ANKS1B: variants seen among roughly 807,000 people sequenced by gnomAD.
ANKS1B encodes ankyrin repeat and sterile alpha motif domain containing 1B.
In ANKS1B, 36 loss-of-function variants were observed where a neutral mutation model predicts 148.3. That is an observed-to-expected ratio of 0.24 (90% confidence interval 0.19 to 0.32). ANKS1B has a LOEUF of 0.32. ANKS1B is among the 10% of genes least tolerant of loss of function. The probability of loss-of-function intolerance (pLI) is 1.00; values close to 1 mark genes in which losing one functional copy is unlikely to be tolerated. For synonymous variants in ANKS1B, 542 were observed against 560.8 expected, an observed-to-expected ratio of 0.97 and a Z score of 0.47; for missense variants, 1,157 against 1,542.6, an observed-to-expected ratio of 0.75 and a Z score of 4.19.
At chr12:99,011,627 C>T (rs1347919036) in intron 17 of ANKS1B, among the ~76,000 whole-genome samples, 2 of 152,192 alleles carry the variant, frequency 1.3e-5, no homozygotes, top group Non-Finnish European at 2.9e-5. Flanking sequence ...CGTGCTCGCA[C>T]ATATGGGTAT....
At chr12:99,618,737 A>G (rs2098006316) in intron 9 of ANKS1B, among the ~76,000 whole-genome samples, 1 of 152,016 alleles carries the variant, frequency 6.6e-6, no homozygotes, top group African/African-American at 2.4e-5. Context: ...GACACCAGGA[A>G]ATACTGCAGA....
intron 12 of ANKS1B, among the ~76,000 whole-genome samples, chr12:99,319,315 G>A (rs1187650006): frequency 6.6e-6 from 1 of 152,130 alleles, no homozygotes; most frequent in East Asian, 1.9e-4. Flanking sequence ...AAGTCTCTTT[G>A]TAGGTCTCTA....
intron 10 of ANKS1B, among the ~76,000 whole-genome samples, chr12:99,459,548 G>A (rs1299148643): frequency 1.3e-5 from 2 of 151,830 alleles, no homozygotes; most frequent in East Asian, 3.9e-4. Context: ...ACTGGTAAAT[G>A]AATTCAGCAA....
chr12:99,036,729 G>A (rs1294455971), intron 17 of ANKS1B, among the ~76,000 whole-genome samples: 4 of 152,210 alleles, frequency 2.6e-5, no homozygotes, highest in African/African-American at 9.7e-5. Flanking sequence ...CAGTAACCAT[G>A]TGCATTGTGG....
chr12:99,405,110 A>C (rs887385825), intron 11 of ANKS1B, among the ~76,000 whole-genome samples: 1 of 146,040 alleles, frequency 6.8e-6, no homozygotes, highest in Non-Finnish European at 1.5e-5. Flanking sequence ...ACAAAAGTTG[A>C]GAAATTTCTT....
intron 22 of ANKS1B, among the ~76,000 whole-genome samples, chr12:98,797,780 C>T (rs1239474027): frequency 4.6e-5 from 7 of 152,140 alleles, no homozygotes; most frequent in South Asian, 4.1e-4. Flanking sequence ...ACCTTCATAG[C>T]TGTTTCAGTG....
intron 16 of ANKS1B, among the ~76,000 whole-genome samples, chr12:99,061,235 C>T (rs1480024507): frequency 1.3e-5 from 2 of 152,164 alleles, no homozygotes. Context: ...TTCAGGTCAC[C>T]TCTAGCTAAA....
rs190217279 is a variant in ANKS1B, at chr12:99,885,183, T to G, written c.135-59794A>C. On this transcript the variant is annotated intron_variant, in intron 1 of 26. Coordinates refer to ENST00000683438, the MANE Select transcript of ANKS1B (RefSeq NM_001352186.2). ...CTACTTTGCTTGGCTAAATGCTATT[T>G]GATTTTCAGGTCTCAGCTTAAACGT... 4.1e-4 allele frequency among the ~76,000 whole-genome samples: 63 copies of G among 152,292 alleles called. 1 individual carries two copies. Among genetic ancestry groups the G allele is most frequent in the African/African-American group, 1.5e-3 (61 of 41,558 alleles).
intron 3 of ANKS1B, among the ~76,000 whole-genome samples, chr12:99,807,316 T>C (rs550108498): frequency 6.6e-6 from 1 of 152,260 alleles, no homozygotes; most frequent in Admixed American, 6.5e-5. Flanking sequence ...TTACTAGGAG[T>C]ATCACAGTAC....
At chr12:98,832,767 T>G (rs1355664036) in intron 17 of ANKS1B, among the ~76,000 whole-genome samples, 1 of 152,134 alleles carries the variant, frequency 6.6e-6, no homozygotes, top group East Asian at 1.9e-4. Flanking sequence ...CGATGATCCA[T>G]CCTCATTTTA....
intron 17 of ANKS1B, among the ~76,000 whole-genome samples, chr12:98,873,928 A>T (rs1041788768): frequency 6.6e-6 from 1 of 152,194 alleles, no homozygotes; most frequent in African/African-American, 2.4e-5. Context: ...AAAGGATGTT[A>T]TAAGTCACAA....
intron 14 of ANKS1B, among the ~76,000 whole-genome samples, chr12:99,180,080 TAA>T (rs1337557474): frequency 1.3e-5 from 2 of 152,156 alleles, no homozygotes; most frequent in Non-Finnish European, 2.9e-5. Context: ...TTTCTACCTA[TAA>T]TAATCTGTGG....
intron 17 of ANKS1B, among the ~76,000 whole-genome samples, chr12:98,835,097 AATTATTATTATTATT>A (rs72558205): frequency 0.053 from 7,827 of 148,934 alleles, 681 homozygotes; most frequent in African/African-American, 0.18. Context: ...ACATTTGCTT[AATTATTATTATTATT>A]ATTATTATTA....
At chr12:99,952,304 G>T (rs540833395) in intron 1 of ANKS1B, among the ~76,000 whole-genome samples, 1 of 151,954 alleles carries the variant, frequency 6.6e-6, no homozygotes, top group East Asian at 1.9e-4. Flanking sequence ...CATCTCTTAG[G>T]TTTATTTTTT....
intron 17 of ANKS1B, among the ~76,000 whole-genome samples, chr12:98,849,545 T>A (rs559627412): frequency 1.3e-5 from 2 of 152,338 alleles, no homozygotes; most frequent in African/African-American, 2.4e-5. Context: ...TATGGCTTGT[T>A]TTTTGTTTCC....
intron 17 of ANKS1B, among the ~76,000 whole-genome samples, chr12:98,962,653 C>T (rs980864011): frequency 2.6e-5 from 4 of 152,010 alleles, no homozygotes; most frequent in Non-Finnish European, 4.4e-5. Flanking sequence ...GCATTCTTCT[C>T]GGCACATGGA....
At chr12:98,904,275 C>G (rs1000247140) in intron 17 of ANKS1B, among the ~76,000 whole-genome samples, 1 of 151,962 alleles carries the variant, frequency 6.6e-6, no homozygotes, top group Non-Finnish European at 1.5e-5. Flanking sequence ...AAGAGTGAAA[C>G]AGGAGACTTG....
chr12:99,471,670 A>ACAT (rs397757059), intron 10 of ANKS1B, among the ~76,000 whole-genome samples: 2 of 151,826 alleles, frequency 1.3e-5, no homozygotes, highest in Non-Finnish European at 2.9e-5. Context: ...ACACACACAC[A>ACAT]TACACACGCT....
chr12:99,275,398 A>G (rs1396386186), intron 12 of ANKS1B, among the ~76,000 whole-genome samples: 1 of 152,092 alleles, frequency 6.6e-6, no homozygotes, highest in African/African-American at 2.4e-5. Context: ...CATGAGTTCA[A>G]TTGTTTTGAT....
Sources: gnomAD v4.1 joint callset for allele counts (sites outside exome capture counted in the v4.1 genomes callset) on GRCh38, gnomAD v4.1.1 for gene constraint, MANE v1.5 for transcripts, NCBI Gene and HGNC (gene_info 2026-07-23, HGNC 2026-07-21) for gene names.